The following GFRA1 variants were observed in gnomAD, a reference collection of about 807,000 sequenced individuals.
GFRA1 encodes GDNF family receptor alpha-1.
In GFRA1, 16 loss-of-function variants were observed where a neutral mutation model predicts 51.6. The ratio of observed to expected loss-of-function variants is 0.31; its 90% CI spans 0.21 to 0.47. The LOEUF (loss-of-function observed/expected upper bound fraction) is 0.47. GFRA1 is among the 20% of genes least tolerant of loss of function. The pLI is 1.00. For missense variants in GFRA1, 530 were observed against 594.3 expected (o/e 0.89, Z 1.13); for synonymous variants, 270 against 241.3 (o/e 1.12, Z -1.10).
chr10:116,096,165 A>G (rs1045647182), intron 7 of GFRA1, among the ~76,000 whole-genome samples: 2 of 152,334 alleles, frequency 1.3e-5, no homozygotes, highest in Middle Eastern at 3.4e-3. Flanking sequence ...GAGTTGAATT[A>G]CCAAGAACAT....
chr10:116,083,427 A>G lies in GFRA1; in HGVS notation c.1197+6314T>C, dbSNP rs75736555. On this transcript the variant is annotated intron_variant, in intron 9 of 10. Coordinates refer to ENST00000355422, the MANE Select transcript of GFRA1 (RefSeq NM_005264.8). The stretch of plus-strand genomic sequence containing the variant: ...CTGGTGGAAGATTAACGGGCCGCCA[A>G]AGCATCCCATTGCTCTGCTAGCATA... Among the ~76,000 whole-genome samples the G allele has an allele frequency of 3.7e-3, 561 of 152,344 alleles. 4 individuals are homozygous for G. Among genetic ancestry groups the G allele is most frequent in the African/African-American group, 0.012 (510 of 41,582 alleles).
At chr10:116,255,344 C>A (rs558113810) in intron 4 of GFRA1, among the ~76,000 whole-genome samples, 1 of 152,116 alleles carries the variant, frequency 6.6e-6, no homozygotes, top group South Asian at 2.1e-4. Context: ...ATATGAAATG[C>A]CTCATCTTTT....
At chr10:116,070,935 A>G (rs936103410) in intron 9 of GFRA1, among the ~76,000 whole-genome samples, 1 of 152,178 alleles carries the variant, frequency 6.6e-6, no homozygotes, top group Non-Finnish European at 1.5e-5. Flanking sequence ...CAAACTTGGT[A>G]ACAATCACTT....
At chr10:116,183,577 T>G (rs1033791463) in intron 5 of GFRA1, among the ~76,000 whole-genome samples, 1 of 152,184 alleles carries the variant, frequency 6.6e-6, no homozygotes, top group Non-Finnish European at 1.5e-5. Context: ...GACCAAGGCA[T>G]GGCACAGGGA....
chr10:116,256,095 C>T (rs1968828338), intron 4 of GFRA1, among the ~76,000 whole-genome samples: 1 of 152,130 alleles, frequency 6.6e-6, no homozygotes, highest in Non-Finnish European at 1.5e-5. Flanking sequence ...ATGAAACATT[C>T]CGTAAGTGTT....
intron 6 of GFRA1, among the ~76,000 whole-genome samples, chr10:116,111,405 G>C (rs1006382771): frequency 6.6e-6 from 1 of 152,192 alleles, no homozygotes; most frequent in Non-Finnish European, 1.5e-5. Flanking sequence ...AGGCAATAGA[G>C]CCCTTCCAGT....
chr10:116,063,884 G>T lies in GFRA1; in HGVS notation c.*514C>A. ...AGCTGTTTCCACAAAGCCCACTCTT[G>T]GTAAGAATCTTCTTTGTGGCAAAAA... On this transcript the variant is annotated 3_prime_UTR_variant, in exon 11 of 11. Coordinates refer to ENST00000355422, the MANE Select transcript of GFRA1 (RefSeq NM_005264.8). 1 of 173,736 alleles carries T rather than the reference G, an allele frequency of 5.8e-6. No homozygotes were observed. Among genetic ancestry groups the T allele is most frequent in the Non-Finnish European group, 1.2e-5 (1 of 80,850 alleles). The allele number at this position is 173,736 out of a possible 1,614,324, so 10.8% of individuals were successfully genotyped here. A position where few individuals can be genotyped will look rare whatever the true frequency, so the allele number is the denominator to read the frequency against.
At chr10:116,168,041 G>T (rs748442193) in intron 5 of GFRA1, among the ~76,000 whole-genome samples, 5 of 152,040 alleles carry the variant, frequency 3.3e-5, no homozygotes, top group Non-Finnish European at 7.4e-5. Context: ...AGAATTCACT[G>T]CTATAAAATT....
Position 116,272,649 on chromosome 10 carries a change from C to G in GFRA1, c.-246-374G>C, listed in dbSNP as rs1844047728. 1 of 152,506 alleles carries G rather than the reference C, an allele frequency of 6.6e-6. No individual in the cohort carries two copies. 9.4% of individuals were successfully genotyped at this position (152,506 alleles called of 1,614,324 possible). A position where few individuals can be genotyped will look rare whatever the true frequency, so the allele number is the denominator to read the frequency against. ...GCAGCTCCCTAGCCAGCCCTGGCGC[C>G]GAAAGAGCCCCTTCTCCCGGGAAGT... On this transcript the variant is annotated intron_variant, in intron 1 of 10. Transcript: ENST00000355422. This position sits in a 1 kb window ranked among gnomAD's most constrained non-coding sequence, Gnocchi z 4.4.
At chr10:116,144,543 C>A (rs1565607677) in intron 5 of GFRA1, among the ~76,000 whole-genome samples, 1 of 151,596 alleles carries the variant, frequency 6.6e-6, no homozygotes, top group Admixed American at 6.6e-5. Flanking sequence ...ATATAGATAT[C>A]ATAATATAAT....
chr10:116,098,192 T>C (rs1318970441), intron 6 of GFRA1, among the ~76,000 whole-genome samples: 1 of 152,162 alleles, frequency 6.6e-6, no homozygotes, highest in Admixed American at 6.5e-5. Flanking sequence ...CACCTGACAC[T>C]CCTCAGAGAG....
intron 4 of GFRA1, among the ~76,000 whole-genome samples, chr10:116,265,909 G>C (rs1969620213): frequency 6.6e-6 from 1 of 152,104 alleles, no homozygotes; most frequent in African/African-American, 2.4e-5. Context: ...TGCCCCAGGG[G>C]CCAAAGGCTT....
At chr10:116,256,676 G>A (rs150379582) in intron 4 of GFRA1, among the ~76,000 whole-genome samples, 4 of 152,082 alleles carry the variant, frequency 2.6e-5, no homozygotes, top group African/African-American at 9.7e-5. Flanking sequence ...CCTTCATTTA[G>A]AACACTTGAG....
chr10:116,134,452 C>T (rs1033203277), intron 5 of GFRA1, among the ~76,000 whole-genome samples: 1 of 152,198 alleles, frequency 6.6e-6, no homozygotes, highest in East Asian at 1.9e-4. Flanking sequence ...CCACACGGAT[C>T]GTATGGCAAA....
At chr10:116,166,293 T>C (rs1429725289) in intron 5 of GFRA1, among the ~76,000 whole-genome samples, 1 of 152,238 alleles carries the variant, frequency 6.6e-6, no homozygotes, top group Non-Finnish European at 1.5e-5. Context: ...GAATGATTTA[T>C]ATTCCTTTGG....
chr10:116,263,115 C>T (rs1326723529), intron 4 of GFRA1, among the ~76,000 whole-genome samples: 1 of 152,122 alleles, frequency 6.6e-6, no homozygotes, highest in Non-Finnish European at 1.5e-5. Flanking sequence ...TGCTCTAGGG[C>T]CTTTTGGATA....
At chr10:116,255,571 G>T in intron 4 of GFRA1, 1 of 1,285,594 alleles carries the variant, frequency 7.8e-7, no homozygotes, top group South Asian at 1.2e-5. Flanking sequence ...AGCATATTCA[G>T]TATTAATTTT....
chr10:116,271,261 A>C (rs1843910666), intron 2 of GFRA1, 146 bp from the exon 3 acceptor site: 7 of 620,138 alleles, frequency 1.1e-5, no homozygotes, highest in Non-Finnish European at 2.0e-5. Flanking sequence ...CCTCTCGACC[A>C]TCCGGGAGTC....
chr10:116,156,056 G>T (rs924186633), intron 5 of GFRA1, among the ~76,000 whole-genome samples: 1 of 152,092 alleles, frequency 6.6e-6, no homozygotes, highest in Non-Finnish European at 1.5e-5. Flanking sequence ...TTCACAAATG[G>T]GCCTCTTTCG....
Sources: allele counts gnomAD v4.1 joint callset (sites outside exome capture counted in the v4.1 genomes callset), GRCh38; gene constraint gnomAD v4.1.1; non-coding constraint Gnocchi (gnomAD v3.1); transcripts MANE v1.5; gene names NCBI Gene and HGNC (gene_info 2026-07-23, HGNC 2026-07-21).